RHBDD1: variants seen among roughly 807,000 people sequenced by gnomAD.
RHBDD1 encodes rhomboid-related protein 4.
Under a neutral mutation model 36.3 loss-of-function variants are expected in RHBDD1, and 38 were observed. The observed-to-expected ratio is 1.05, with a 90% CI of 0.81 to 1.37. The LOEUF (loss-of-function observed/expected upper bound fraction) is 1.37. RHBDD1 is among the 40% of genes most tolerant of loss of function. The pLI, the probability that RHBDD1 is intolerant of heterozygous loss-of-function variation, is 0.00. For missense variants in RHBDD1, 393 were observed against 377.6 expected, an observed-to-expected ratio of 1.04 and a Z score of -0.34; for synonymous variants, 151 against 136.5, an observed-to-expected ratio of 1.11 and a Z score of -0.74.
At chr2:226,892,229 G>A (rs964854431) in intron 5 of RHBDD1, among the ~76,000 whole-genome samples, 4 of 152,206 alleles carry the variant, frequency 2.6e-5, no homozygotes, top group Non-Finnish European at 5.9e-5. Context: ...AGCTGCTACA[G>A]AGTAGTATGT....
chr2:226,944,047 A>G (rs1399718320), intron 8 of RHBDD1, among the ~76,000 whole-genome samples: 2 of 152,168 alleles, frequency 1.3e-5, no homozygotes, highest in Non-Finnish European at 2.9e-5. Context: ...GCCTTTGCTC[A>G]GTATAGTCTT....
chr2:226,959,883 C>T (rs1020556105), intron 8 of RHBDD1, among the ~76,000 whole-genome samples: 8 of 152,038 alleles, frequency 5.3e-5, no homozygotes, highest in South Asian at 2.1e-4. Context: ...AGTGCAGTGG[C>T]GCGATCTCGG....
At chr2:226,837,746 G>C (rs907481935) in intron 1 of RHBDD1, 5 of 152,232 alleles carry the variant, frequency 3.3e-5, no homozygotes, top group African/African-American at 1.2e-4. Context: ...CGTTTGCCAA[G>C]CTGGTCCCGA....
In RHBDD1 at chr2:226,979,176, A is replaced by G. The variant is rs191055868; in HGVS notation, c.857-16255A>G. On this transcript the variant is annotated intron_variant, in intron 8 of 8. Transcript: ENST00000392062. ...GAGGCCCAAGGCCCAAGAGCCCCCA[A>G]GAGGCCACTGCTGAAAGTCCCAGTG... is the stretch of plus-strand genomic sequence containing the variant. 3.6e-4 allele frequency among the ~76,000 whole-genome samples: 55 copies of G among 152,276 alleles called. No individual in the cohort carries two copies. In the East Asian group the frequency reaches 9.1e-3, roughly 25 times the overall value.
At chr2:226,937,971 C>G (rs1284534158) in intron 8 of RHBDD1, among the ~76,000 whole-genome samples, 1 of 152,178 alleles carries the variant, frequency 6.6e-6, no homozygotes. Flanking sequence ...AATGGGATTG[C>G]TGGGTTGAAT....
intron 8 of RHBDD1, among the ~76,000 whole-genome samples, chr2:226,961,879 T>A (rs1215736661): frequency 2.0e-5 from 3 of 152,140 alleles, no homozygotes; most frequent in African/African-American, 7.2e-5. Context: ...TGATCCCCAT[T>A]TTTTAGGTGA....
At chr2:226,858,471 G>A (rs1943538215) in intron 3 of RHBDD1, among the ~76,000 whole-genome samples, 1 of 152,178 alleles carries the variant, frequency 6.6e-6, no homozygotes, top group East Asian at 1.9e-4. Context: ...AATTTGGTTG[G>A]TAGCAGACAC....
At chr2:226,955,234 C>T (rs1391694267) in intron 8 of RHBDD1, among the ~76,000 whole-genome samples, 1 of 152,160 alleles carries the variant, frequency 6.6e-6, no homozygotes, top group Non-Finnish European at 1.5e-5. Context: ...GCCCTGTTTG[C>T]ACACCCTTCC....
intron 8 of RHBDD1, among the ~76,000 whole-genome samples, chr2:226,979,746 T>C (rs1178885080): frequency 1.3e-5 from 2 of 152,164 alleles, no homozygotes; most frequent in African/African-American, 4.8e-5. Context: ...TGTCGGTCAG[T>C]CTCTGGCAAC....
chr2:226,870,968 C>T (rs1466445340), intron 5 of RHBDD1, among the ~76,000 whole-genome samples: 2 of 151,944 alleles, frequency 1.3e-5, no homozygotes, highest in Non-Finnish European at 2.9e-5. Context: ...TAGTTCAAAC[C>T]CATGTTGTTC....
chr2:226,850,977 C>T (rs1942754427), intron 3 of RHBDD1, among the ~76,000 whole-genome samples: 1 of 152,072 alleles, frequency 6.6e-6, no homozygotes, highest in Admixed American at 6.5e-5. Flanking sequence ...AGCATTGTCT[C>T]CTCTCTGATT....
At chr2:226,895,642 A>G (rs756027095) in intron 5 of RHBDD1, 4 of 984,368 alleles carry the variant, frequency 4.1e-6, no homozygotes, top group Non-Finnish European at 4.8e-6. Context: ...TATTTAATTT[A>G]GGACAACCTG....
intron 3 of RHBDD1, among the ~76,000 whole-genome samples, chr2:226,862,353 CTTT>C (rs565626444): frequency 6.9e-5 from 9 of 130,542 alleles, no homozygotes; most frequent in Non-Finnish European, 5.0e-5. Context: ...AGAATCCTGC[CTTT>C]TTTTTTTTTT....
chr2:226,941,597 T>TGA (rs1428657667), intron 8 of RHBDD1, among the ~76,000 whole-genome samples: 1 of 152,178 alleles, frequency 6.6e-6, no homozygotes, highest in African/African-American at 2.4e-5. Flanking sequence ...GCTGAGAGCC[T>TGA]GAGAGAGATG....
upstream of RHBDD1, among the ~76,000 whole-genome samples, chr2:226,831,705 CT>C (rs79204506): frequency 0.021 from 3,021 of 143,994 alleles, 41 homozygotes; most frequent in African/African-American, 0.048. Context: ...GTTTATAATA[CT>C]TTTTTTTTTT....
At chr2:226,825,057 C>G in the RHBDD1 span, among the ~76,000 whole-genome samples, 3 of 152,182 alleles carry the variant, frequency 2.0e-5, no homozygotes, top group African/African-American at 7.2e-5. Context: ...TATTTCCTAG[C>G]AGAACATTCA....
At chr2:226,919,604 G>A (rs1949165186) in intron 8 of RHBDD1, among the ~76,000 whole-genome samples, 1 of 151,888 alleles carries the variant, frequency 6.6e-6, no homozygotes, top group Non-Finnish European at 1.5e-5. Context: ...GTATTCTCTT[G>A]GCACCTTTTT....
At chr2:226,892,372 T>C (rs535908903) in intron 5 of RHBDD1, among the ~76,000 whole-genome samples, 2 of 152,220 alleles carry the variant, frequency 1.3e-5, no homozygotes, top group Non-Finnish European at 2.9e-5. Context: ...ATGGGCTAAC[T>C]TTGCAATGCA....
intron 8 of RHBDD1, among the ~76,000 whole-genome samples, chr2:226,957,610 T>C (rs1951868118): frequency 6.6e-6 from 1 of 151,682 alleles, no homozygotes; most frequent in African/African-American, 2.4e-5. Context: ...AGTGAAAAGA[T>C]CATCACAGAT....
Sources: allele counts gnomAD v4.1 joint callset (sites outside exome capture counted in the v4.1 genomes callset), GRCh38; gene constraint gnomAD v4.1.1; transcripts MANE v1.5; gene names NCBI Gene and HGNC (gene_info 2026-07-23, HGNC 2026-07-21).